The following MICU3 variants were observed in gnomAD, a reference collection of about 807,000 sequenced individuals.
The protein encoded by MICU3 is mitochondrial calcium uptake 3, also known as calcium uptake protein 3, mitochondrial.
A neutral mutation model predicts 66.5 loss-of-function variants in MICU3; 62 were observed. The observed-to-expected ratio is 0.93, with a 90% CI of 0.76 to 1.15. The LOEUF is 1.15. Ranked by LOEUF, MICU3 falls within the 50% of genes most tolerant of loss-of-function variation. MICU3 has a pLI of 0.00. For missense variants in MICU3, 779 were observed against 664.4 expected (o/e 1.17, Z -1.90); for synonymous variants, 308 against 240.7 (o/e 1.28, Z -2.59).
At position 17,043,948 on chromosome 8, in the gene MICU3, A is replaced by G. The variant is rs78860383; in HGVS notation, c.381+16288A>G. Among the ~76,000 whole-genome samples, 1,409 of 152,346 alleles carry G rather than the reference A, an allele frequency of 9.2e-3. 17 individuals carry two copies. The highest frequency in any genetic ancestry group is 0.02 in the Middle Eastern group (6 of 294). Reference sequence around the variant, plus strand: ...ATGTGTATTAAATAGTGAACTATGAAAAATATCCCACATATATGTCACCAA... The same window carrying G: ...ATGTGTATTAAATAGTGAACTATGAGAAATATCCCACATATATGTCACCAA... On this transcript the variant is annotated intron_variant, in intron 1 of 14. Transcript: ENST00000318063.
chr8:17,089,588 A>G (rs1464551897), intron 7 of MICU3, among the ~76,000 whole-genome samples: 1 of 152,048 alleles, frequency 6.6e-6, no homozygotes, highest in Non-Finnish European at 1.5e-5. Flanking sequence ...CATAAGAGAG[A>G]GAGCATAGCA....
At chr8:17,132,836 A>C in the MICU3 span, 29 of 152,226 alleles carry the variant, frequency 1.9e-4, no homozygotes, top group Non-Finnish European at 2.9e-5. Flanking sequence ...TTATATGTTG[A>C]AATCTAATCA....
the MICU3 span, among the ~76,000 whole-genome samples, chr8:17,130,874 C>G: frequency 2.0e-5 from 3 of 152,128 alleles, no homozygotes; most frequent in Admixed American, 2.0e-4. Context: ...ACTAAACATT[C>G]CAACTAAAAC....
At chr8:17,056,337 A>T (rs1228448517) in intron 1 of MICU3, among the ~76,000 whole-genome samples, 2 of 152,074 alleles carry the variant, frequency 1.3e-5, no homozygotes, top group Non-Finnish European at 2.9e-5. Context: ...CTGGGTCTTG[A>T]AGTTGGTTAA....
At chr8:17,069,347 T>A (rs1412194302) in intron 2 of MICU3, among the ~76,000 whole-genome samples, 1 of 152,158 alleles carries the variant, frequency 6.6e-6, no homozygotes, top group Non-Finnish European at 1.5e-5. Flanking sequence ...TTGAATATTT[T>A]ATAAGTATCA....
the MICU3 span, among the ~76,000 whole-genome samples, chr8:17,129,909 C>T: frequency 6.6e-6 from 1 of 152,070 alleles, no homozygotes; most frequent in Non-Finnish European, 1.5e-5. Flanking sequence ...TGATAAGAAT[C>T]AGTGCTGACT....
At chr8:17,074,168 G>A (rs1269841245) in intron 3 of MICU3, among the ~76,000 whole-genome samples, 1 of 151,870 alleles carries the variant, frequency 6.6e-6, no homozygotes, top group Non-Finnish European at 1.5e-5. Flanking sequence ...TTACAGGTGT[G>A]AGCTGCCGTG....
the MICU3 span, among the ~76,000 whole-genome samples, chr8:17,135,301 G>A: frequency 3.3e-5 from 5 of 152,070 alleles, no homozygotes; most frequent in Admixed American, 6.5e-5. Context: ...GGGAGGCTGA[G>A]GCAGGAGAAT....
chr8:17,118,561 C>A (rs1478260829), intron 13 of MICU3, 146 bp from the exon 14 acceptor site: 1 of 466,060 alleles, frequency 2.1e-6, no homozygotes, highest in East Asian at 3.3e-5. Context: ...CCCTTTCCTC[C>A]CCAGTCCCCC....
At position 17,050,796 on chromosome 8, in the gene MICU3, T is replaced by C. The variant is rs1006289069; in HGVS notation, c.382-13288T>C. On this transcript the variant is annotated intron_variant, in intron 1 of 14. Transcript: ENST00000318063. ...CTGGGTAATGTTTAACAGTGACTCT[T>C]GTAGGGGACATTTTTATGGCTTTTT... Among the ~76,000 whole-genome samples the C allele has an allele frequency of 2.6e-5, 4 of 152,206 alleles. No homozygotes were observed. In the East Asian group the frequency reaches 7.7e-4, roughly 29 times the overall value.
Position 17,056,902 on chromosome 8 carries a change from G to A in MICU3, c.382-7182G>A, listed in dbSNP as rs17624776. On this transcript the variant is annotated intron_variant, in intron 1 of 14. Transcript: ENST00000318063. Reference sequence around the variant, plus strand: ...TTGGAGTCATCGCCAGAGAAATTGCGAAGTTAAGCAGGGAACTGAAGTAGA... The same window carrying A: ...TTGGAGTCATCGCCAGAGAAATTGCAAAGTTAAGCAGGGAACTGAAGTAGA... Among the ~76,000 whole-genome samples, 329 of 152,292 alleles carry A rather than the reference G, an allele frequency of 2.2e-3. 2 individuals carry two copies. The highest frequency in any genetic ancestry group is 7.2e-3 in the African/African-American group (300 of 41,574).
the MICU3 span, chr8:17,132,148 C>T: frequency 6.6e-6 from 1 of 152,144 alleles, no homozygotes; most frequent in South Asian, 2.1e-4. Context: ...GTGAATTTAA[C>T]CTCTAGCAAC....
the MICU3 span, among the ~76,000 whole-genome samples, chr8:17,133,782 C>G: frequency 1.2e-4 from 18 of 152,084 alleles, no homozygotes; most frequent in African/African-American, 4.3e-4. Context: ...TAATATAATG[C>G]AAATTATATT....
intron 9 of MICU3, among the ~76,000 whole-genome samples, chr8:17,103,953 T>C (rs1801502645): frequency 6.6e-6 from 1 of 151,892 alleles, no homozygotes. Flanking sequence ...GCTCCATTTA[T>C]TCAGTATATC....
chr8:17,119,642 A>G (rs1803039935), intron 14 of MICU3, among the ~76,000 whole-genome samples: 1 of 152,176 alleles, frequency 6.6e-6, no homozygotes, highest in Admixed American at 6.5e-5. Context: ...TGCTTAGTCA[A>G]GTTTAAGAAA....
Position 17,104,442 on chromosome 8 carries a change from T to A in MICU3, c.1036T>A (p.Phe346Ile). 1 of 1,466,438 alleles carries A rather than the reference T, an allele frequency of 6.8e-7. No homozygotes were observed. The highest frequency in any genetic ancestry group is 9.2e-7 in the Non-Finnish European group (1 of 1,087,880). The allele number at this position is 1,466,438 out of a possible 1,614,324, so 90.8% of individuals were successfully genotyped here. A position where few individuals can be genotyped will look rare whatever the true frequency, so the allele number is the denominator to read the frequency against. Residue 346 changes from phenylalanine (F) to isoleucine (I), a missense_variant, in exon 10 of 15, where the codon TTT (phenylalanine) becomes ATT (isoleucine). Phe to Ile is a conservative substitution (Grantham distance 21). Coordinates refer to ENST00000318063, the MANE Select transcript of MICU3 (RefSeq NM_181723.3). Reference protein sequence around the residue: ...LVTDTTLLVHFFGKKGKAELN... With the variant: ...LVTDTTLLVHIFGKKGKAELN... ...AACAGATACTACACTTCTTGTACAC[T>A]TTTTTGGAAAGAAAGGAAAAGCTGA...
chr8:17,107,109 G>A (rs1358309080), intron 11 of MICU3, among the ~76,000 whole-genome samples: 2 of 152,124 alleles, frequency 1.3e-5, no homozygotes, highest in African/African-American at 4.8e-5. Flanking sequence ...GGTTAAAGTG[G>A]CAACATAAGC....
At chr8:17,067,728 C>T (rs192945191) in intron 2 of MICU3, among the ~76,000 whole-genome samples, 234 of 152,276 alleles carry the variant, frequency 1.5e-3, no homozygotes, top group African/African-American at 5.2e-3. Flanking sequence ...CGTAAGCCAC[C>T]ATGCCCAGCC....
intron 1 of MICU3, among the ~76,000 whole-genome samples, chr8:17,058,793 T>G (rs556274652): frequency 6.6e-6 from 1 of 152,208 alleles, no homozygotes; most frequent in Non-Finnish European, 1.5e-5. Context: ...AACTGTATCA[T>G]AGTAACAAAC....
Sources: gnomAD v4.1 joint callset for allele counts (sites outside exome capture counted in the v4.1 genomes callset) on GRCh38, gnomAD v4.1.1 for gene constraint, MANE v1.5 for transcripts, NCBI Gene and HGNC (gene_info 2026-07-23, HGNC 2026-07-21) for gene names.